CLASP1: variants seen among roughly 807,000 people sequenced by gnomAD.
CLASP1 encodes the protein cytoplasmic linker associated protein 1, also known as CLIP-associating protein 1.
CLASP1 carries 38 observed loss-of-function variants against 192.3 expected under a neutral mutation model. The ratio of observed to expected loss-of-function variants is 0.20; its 90% CI spans 0.15 to 0.26. CLASP1 has a LOEUF of 0.26. Among genes scored for constraint, CLASP1 ranks in the 10% least tolerant of loss-of-function variants. The pLI is 1.00. For missense variants in CLASP1, 1,433 were observed against 1,932.5 expected, an observed-to-expected ratio of 0.74 and a Z score of 4.85; for synonymous variants, 691 against 712.8, an observed-to-expected ratio of 0.97 and a Z score of 0.49.
At chr2:121,432,251 G>A (rs2081566397) in intron 19 of CLASP1, among the ~76,000 whole-genome samples, 1 of 152,072 alleles carries the variant, frequency 6.6e-6, no homozygotes, top group Non-Finnish European at 1.5e-5. Context: ...CCAGTAGCTG[G>A]GATTACAGGA....
At chr2:121,504,858 T>C (rs751221023) in intron 7 of CLASP1, 1 of 152,166 alleles carries the variant, frequency 6.6e-6, no homozygotes, top group African/African-American at 2.4e-5. Context: ...CACTACCCAT[T>C]CGTTAAAGCT....
intron 8 of CLASP1, among the ~76,000 whole-genome samples, chr2:121,498,325 C>T (rs1185550996): frequency 6.6e-6 from 1 of 151,490 alleles, no homozygotes; most frequent in Non-Finnish European, 1.5e-5. Context: ...AGGGCCACCC[C>T]ACCACCCCCC....
intron 34 of CLASP1, 68 bp from the exon 36 acceptor site, chr2:121,367,899 A>C: frequency 6.4e-7 from 1 of 1,571,588 alleles, no homozygotes; most frequent in Non-Finnish European, 8.6e-7. Context: ...AATGCTCAGA[A>C]ATATTAAGAA....
At chr2:121,476,329 A>G (rs2091603992) in intron 8 of CLASP1, among the ~76,000 whole-genome samples, 1 of 152,106 alleles carries the variant, frequency 6.6e-6, no homozygotes, top group Non-Finnish European at 1.5e-5. Flanking sequence ...CTGAACTTTA[A>G]CCAGGCTGCA....
At chr2:121,540,324 A>G (rs892581544) in intron 2 of CLASP1, among the ~76,000 whole-genome samples, 1 of 152,214 alleles carries the variant, frequency 6.6e-6, no homozygotes, top group Non-Finnish European at 1.5e-5. Flanking sequence ...CCAGAAACAT[A>G]CCCACATTTC....
chr2:121,515,405 A>T (rs552296151), intron 7 of CLASP1, among the ~76,000 whole-genome samples: 1 of 152,314 alleles, frequency 6.6e-6, no homozygotes, highest in Admixed American at 6.5e-5. Flanking sequence ...GAATTTTTCA[A>T]TACCAATTGC....
At chr2:121,558,403 G>A (rs967920449) in intron 2 of CLASP1, among the ~76,000 whole-genome samples, 4 of 152,174 alleles carry the variant, frequency 2.6e-5, no homozygotes, top group East Asian at 3.8e-4. Context: ...CAAATTTCAC[G>A]TTATAAATTT....
At chr2:121,340,985 A>G (rs2062710865) in intron 39 of CLASP1, 38 bp from the exon 41 acceptor site, 1 of 1,393,374 alleles carries the variant, frequency 7.2e-7, no homozygotes, top group Non-Finnish European at 1.0e-6. Context: ...GCAGGAAGAA[A>G]AGCAATCAGA....
chr2:121,500,397 A>AAAGAAAGAAAGAAAGG (rs1270963277), intron 8 of CLASP1, among the ~76,000 whole-genome samples: 1 of 132,130 alleles, frequency 7.6e-6, no homozygotes, highest in East Asian at 2.5e-4. Flanking sequence ...AGAAAGAAAG[A>AAAGAAAGAAAGAAAGG]AAAGAAAGAA....
intron 1 of CLASP1, among the ~76,000 whole-genome samples, chr2:121,633,488 A>G (rs12624033): frequency 0.19 from 29,226 of 152,096 alleles, 5,024 homozygotes; most frequent in African/African-American, 0.46. Context: ...TAATTCAAGT[A>G]AGGATATGAA....
intron 2 of CLASP1, among the ~76,000 whole-genome samples, chr2:121,536,218 A>G (rs1415791654): frequency 6.6e-6 from 1 of 151,334 alleles, no homozygotes; most frequent in Non-Finnish European, 1.5e-5. Flanking sequence ...CGTCTCTAGT[A>G]AAAATACAAA....
chr2:121,583,331 A>C (rs1455576601), intron 2 of CLASP1, among the ~76,000 whole-genome samples: 1 of 152,226 alleles, frequency 6.6e-6, no homozygotes, highest in Non-Finnish European at 1.5e-5. Flanking sequence ...GGTTGCATGA[A>C]GGACCATTCA....
At chr2:121,470,009 A>G in intron 8 of CLASP1, 49 bp from the exon 9 acceptor site, 1 of 1,311,572 alleles carries the variant, frequency 7.6e-7, no homozygotes, top group Non-Finnish European at 1.1e-6. Flanking sequence ...CAAAAACTAT[A>G]TATACATATA....
At chr2:121,384,576 TAA>T (rs1012145456) in intron 32 of CLASP1, among the ~76,000 whole-genome samples, 2 of 146,122 alleles carry the variant, frequency 1.4e-5, no homozygotes, top group African/African-American at 5.0e-5. Flanking sequence ...AATTTTGGAC[TAA>T]AAAAAAAAAG....
At chr2:121,388,006 A>G (rs2073632945) in intron 30 of CLASP1, 100 bp from the exon 32 acceptor site, 2 of 891,132 alleles carry the variant, frequency 2.2e-6, no homozygotes, top group Non-Finnish European at 3.3e-6. Flanking sequence ...AAAATCACTA[A>G]TAAGAGGGCA....
At chr2:121,570,982 A>G (rs192410323) in intron 2 of CLASP1, among the ~76,000 whole-genome samples, 13 of 152,026 alleles carry the variant, frequency 8.6e-5, no homozygotes, top group African/African-American at 2.9e-4. Context: ...TTACAGAACC[A>G]TGGCTACAAA....
intron 36 of CLASP1, 72 bp from the exon 38 acceptor site, chr2:121,363,372 T>G (rs756050191): frequency 9.2e-5 from 145 of 1,581,910 alleles, no homozygotes; most frequent in Non-Finnish European, 1.2e-4. Flanking sequence ...GTCAGCAGGG[T>G]CGGCAAGGCC....
chr2:121,390,048 C>T (rs2074078048), intron 30 of CLASP1, among the ~76,000 whole-genome samples: 1 of 152,088 alleles, frequency 6.6e-6, no homozygotes, highest in Non-Finnish European at 1.5e-5. Context: ...CCCAAGTATC[C>T]AATTTTTAAA....
chr2:121,387,082 A>G (rs367826130), intron 32 of CLASP1, 40 bp downstream of exon 33: 2 of 1,499,626 alleles, frequency 1.3e-6, no homozygotes, highest in Non-Finnish European at 1.9e-6. Flanking sequence ...AAGGTGCTTT[A>G]GTTTCTTTAC....
Sources: gnomAD v4.1 joint callset for allele counts (sites outside exome capture counted in the v4.1 genomes callset) on GRCh38, gnomAD v4.1.1 for gene constraint, MANE v1.5 for transcripts, NCBI Gene and HGNC (gene_info 2026-07-23, HGNC 2026-07-21) for gene names.